The following AGAP1 variants were observed in gnomAD, a reference collection of about 807,000 sequenced individuals.
The protein encoded by AGAP1 is ArfGAP with GTPase domain, ankyrin repeat and PH domain 1, also known as arf-GAP with GTPase, ANK repeat and PH domain-containing protein 1.
Under a neutral mutation model 105.3 loss-of-function variants are expected in AGAP1, and 29 were observed. That is an observed-to-expected ratio of 0.28 (90% CI 0.21 to 0.38). AGAP1 has a LOEUF of 0.38. Ranked by LOEUF, AGAP1 falls within the 10% of genes least tolerant of loss-of-function variation. The pLI is 1.00. For missense variants in AGAP1, 998 were observed against 1,165.1 expected, an observed-to-expected ratio of 0.86 and a Z score of 2.09; for synonymous variants, 509 against 485.9, an observed-to-expected ratio of 1.05 and a Z score of -0.63.
intron 13 of AGAP1, among the ~76,000 whole-genome samples, chr2:236,023,317 A>G (rs919557000): frequency 1.3e-5 from 2 of 152,126 alleles, no homozygotes; most frequent in African/African-American, 4.8e-5. Flanking sequence ...TCCCTTGCAG[A>G]TAAAGCTGAG....
chr2:236,000,427 C>G lies in AGAP1; in HGVS notation c.1645+31804C>G, dbSNP rs917000670. Among the ~76,000 whole-genome samples, 14 of 152,166 alleles carry G rather than the reference C, an allele frequency of 9.2e-5. No homozygotes were observed. Among genetic ancestry groups the G allele is most frequent in the Non-Finnish European group, 1.5e-4 (10 of 68,038 alleles). ...TCTGTACAAAAATCACTACGCGTGA[C>G]AGCTCAAATAATAAACAGTTGTTCA... On this transcript the variant is annotated intron_variant, in intron 13 of 17. Coordinates refer to ENST00000304032, the MANE Select transcript of AGAP1 (RefSeq NM_001037131.3). This position sits in a 1 kb window ranked among gnomAD's most constrained non-coding sequence, Gnocchi z 4.3.
chr2:235,900,048 C>T lies in AGAP1; in HGVS notation c.1156-8690C>T, dbSNP rs60802296. On this transcript the variant is annotated intron_variant, in intron 10 of 17. Coordinates refer to ENST00000304032, the MANE Select transcript of AGAP1 (RefSeq NM_001037131.3). The surrounding 1 kb of genome is among the most constrained non-coding windows in gnomAD (Gnocchi z 5.5). Reference sequence around the variant, plus strand: ...CCCACGCATGTTGGACACTGGCCTCCGCAGCACATGAAGCAGAGAAGTCTG... The same window carrying T: ...CCCACGCATGTTGGACACTGGCCTCTGCAGCACATGAAGCAGAGAAGTCTG... Among the ~76,000 whole-genome samples the T allele has an allele frequency of 0.017, 2,521 of 152,290 alleles. 55 individuals carry two copies. The highest frequency in any genetic ancestry group is 0.058 in the African/African-American group (2,405 of 41,550).
At chr2:235,697,113 A>C (rs1029950903) in intron 1 of AGAP1, among the ~76,000 whole-genome samples, 3 of 152,224 alleles carry the variant, frequency 2.0e-5, no homozygotes, top group Non-Finnish European at 4.4e-5. Context: ...GGACAGCCCC[A>C]GGCACCAGCC....
Position 236,098,170 on chromosome 2 carries a change from C to G in AGAP1, c.2115-22022C>G, listed in dbSNP as rs560642740. Among the ~76,000 whole-genome samples the G allele has an allele frequency of 2.6e-5, 4 of 152,246 alleles. No homozygotes were observed. The South Asian group carries it at 8.3e-4, about 32-fold the overall frequency. ...TGGACATACAAATGTCTATTTCAGT[C>G]CCTGCTTTCGATTCTTTTGGGTATA... On this transcript the variant is annotated intron_variant, in intron 16 of 17. Coordinates refer to ENST00000304032, the MANE Select transcript of AGAP1 (RefSeq NM_001037131.3).
rs1170122844 is a variant in AGAP1, at chr2:235,787,049, A to G, written c.674-10710A>G. 1.3e-5 allele frequency among the ~76,000 whole-genome samples: 2 copies of G among 152,204 alleles called. No homozygotes were observed. Among genetic ancestry groups the G allele is most frequent in the East Asian group, 3.9e-4 (2 of 5,184 alleles). On this transcript the variant is annotated intron_variant, in intron 6 of 17. Transcript: ENST00000304032. This position sits in a 1 kb window ranked among gnomAD's most constrained non-coding sequence, Gnocchi z 4.4. ...TGACACCAGCTCCTGCCACTCTGAC[A>G]CATACTTAGGCAGTGCTCAGAGTCG... is the stretch of plus-strand genomic sequence containing the variant.
chr2:235,679,583 G>A (rs1005016649), intron 1 of AGAP1, among the ~76,000 whole-genome samples: 1 of 152,012 alleles, frequency 6.6e-6, no homozygotes, highest in African/African-American at 2.4e-5. Flanking sequence ...CCTCTTATTC[G>A]GAGGAGTAGC....
chr2:235,842,113 C>T lies in AGAP1; in HGVS notation c.1050+34782C>T, dbSNP rs1441750257. Among the ~76,000 whole-genome samples the T allele has an allele frequency of 1.3e-5, 2 of 152,194 alleles. No individual in the cohort carries two copies. Among genetic ancestry groups the T allele is most frequent in the Non-Finnish European group, 2.9e-5 (2 of 68,042 alleles). The stretch of plus-strand genomic sequence containing the variant: ...GCCCAGGCTCACTCCATGGCTGCCC[C>T]TCTCCCCAGCCTGCTGGCGTTGGGC... On this transcript the variant is annotated intron_variant, in intron 9 of 17. Transcript: ENST00000304032. This position sits in a 1 kb window ranked among gnomAD's most constrained non-coding sequence, Gnocchi z 5.3.
chr2:235,709,638 C>T (rs943509583), intron 2 of AGAP1, among the ~76,000 whole-genome samples: 14 of 152,132 alleles, frequency 9.2e-5, no homozygotes, highest in African/African-American at 3.1e-4. Flanking sequence ...CAGGATGTCA[C>T]GGAAGGCTTC....
intron 13 of AGAP1, among the ~76,000 whole-genome samples, chr2:236,034,795 A>G (rs535038233): frequency 6.6e-6 from 1 of 152,328 alleles, no homozygotes; most frequent in South Asian, 2.1e-4. Flanking sequence ...CAGCCCCCAG[A>G]ATATGCCCAG....
chr2:235,653,152 C>T (rs917196685), intron 1 of AGAP1, among the ~76,000 whole-genome samples: 2 of 152,222 alleles, frequency 1.3e-5, no homozygotes, highest in South Asian at 4.1e-4. Flanking sequence ...CAGCAGCTAA[C>T]CCTCTTACCT....
intron 16 of AGAP1, among the ~76,000 whole-genome samples, chr2:236,063,707 G>A (rs2058268702): frequency 6.6e-6 from 1 of 152,210 alleles, no homozygotes. Context: ...GAGGCAAACT[G>A]TCCGAGGCCA....
rs528463508 is a variant in AGAP1 at position 235,725,631 on chromosome 2, A to G, written c.310+7987A>G. On this transcript the variant is annotated intron_variant, in intron 3 of 17. Transcript: ENST00000304032. This position sits in a 1 kb window ranked among gnomAD's most constrained non-coding sequence, Gnocchi z 5.7. Reference sequence around the variant, plus strand: ...ACCAAGTGATTATAAACACATGATAATTTTTTAATGAGAATTATCTGTAAA... The same window carrying G: ...ACCAAGTGATTATAAACACATGATAGTTTTTTAATGAGAATTATCTGTAAA... Among the ~76,000 whole-genome samples, 9 of 152,154 alleles carry G rather than the reference A, an allele frequency of 5.9e-5. No individual in the cohort carries two copies. Among genetic ancestry groups the G allele is most frequent in the Non-Finnish European group, 1.3e-4 (9 of 68,028 alleles).
chr2:235,830,974 C>T lies in AGAP1; in HGVS notation c.1050+23643C>T, dbSNP rs1466382541. ...GGGTGCCGCCTCCTCACCTGTGTGT[C>T]GCAGGTGTAGGCGATACCTGGGAAG... On this transcript the variant is annotated intron_variant, in intron 9 of 17. Transcript: ENST00000304032. The surrounding 1 kb of genome is among the most constrained non-coding windows in gnomAD (Gnocchi z 5.5). Among the ~76,000 whole-genome samples the T allele has an allele frequency of 1.3e-5, 2 of 152,132 alleles. No individual in the cohort carries two copies. The highest frequency in any genetic ancestry group is 2.4e-5 in the African/African-American group (1 of 41,478).
intron 6 of AGAP1, among the ~76,000 whole-genome samples, chr2:235,767,667 A>G (rs1050307239): frequency 1.3e-5 from 2 of 151,208 alleles, no homozygotes; most frequent in African/African-American, 4.9e-5. Flanking sequence ...TTTCCAGAGG[A>G]TTAGCAGCTG....
At position 235,989,870 on chromosome 2, in the gene AGAP1, A is replaced by C. The variant is rs2055487318; in HGVS notation, c.1645+21247A>C. Reference sequence around the variant, plus strand: ...AAATCCATGCGTCTTCCTTTTGCCCACAGGAGAAGAGATGAAAGAGAGGGG... The same window carrying C: ...AAATCCATGCGTCTTCCTTTTGCCCCCAGGAGAAGAGATGAAAGAGAGGGG... On this transcript the variant is annotated intron_variant, in intron 13 of 17. Coordinates refer to ENST00000304032, the MANE Select transcript of AGAP1 (RefSeq NM_001037131.3). This position sits in a 1 kb window ranked among gnomAD's most constrained non-coding sequence, Gnocchi z 4.4. 6.6e-6 allele frequency among the ~76,000 whole-genome samples: 1 copy of C among 152,164 alleles called. No homozygotes were observed. Among genetic ancestry groups the C allele is most frequent in the Non-Finnish European group, 1.5e-5 (1 of 68,030 alleles).
chr2:235,558,238 CAG>C (rs914439700), intron 1 of AGAP1, among the ~76,000 whole-genome samples: 1 of 152,094 alleles, frequency 6.6e-6, no homozygotes, highest in African/African-American at 2.4e-5. Flanking sequence ...GGAGATGGAC[CAG>C]GCTCTCCTCC....
At chr2:235,666,971 G>C (rs1402316504) in intron 1 of AGAP1, among the ~76,000 whole-genome samples, 1 of 152,128 alleles carries the variant, frequency 6.6e-6, no homozygotes, top group Non-Finnish European at 1.5e-5. Flanking sequence ...ACCCTTGACA[G>C]TAGCAGAGAT....
rs371846381 is a variant in AGAP1 at position 236,116,357 on chromosome 2, C to CTTTTTTTTTTT, written c.2115-3825_2115-3824insTTTTTTTTTTT. Reference sequence around the variant, plus strand: ...CAGGTGGTATTTGGTTAATTAAGTTCTTTTTTTTTTGAGAGAGAGTTTTGC... The same window carrying CTTTTTTTTTTT: ...CAGGTGGTATTTGGTTAATTAAGTTCTTTTTTTTTTTTTTTTTTTTTGAGAGAGAGTTTTGC... On this transcript the variant is annotated intron_variant, in intron 16 of 17. Coordinates refer to ENST00000304032, the MANE Select transcript of AGAP1 (RefSeq NM_001037131.3). Among the ~76,000 whole-genome samples, 10 of 129,144 alleles carry CTTTTTTTTTTT rather than the reference C, an allele frequency of 7.7e-5. 1 individual carries two copies. Among genetic ancestry groups the CTTTTTTTTTTT allele is most frequent in the African/African-American group, 8.5e-5 (3 of 35,320 alleles). The allele number at this position is 129,144 out of a possible 152,430, so 84.7% of individuals were successfully genotyped here. A position where few individuals can be genotyped will look rare whatever the true frequency, so the allele number is the denominator to read the frequency against.
chr2:235,685,005 C>T (rs115168416), intron 1 of AGAP1, among the ~76,000 whole-genome samples: 4,166 of 152,144 alleles, frequency 0.027, 194 homozygotes, highest in African/African-American at 0.095. Flanking sequence ...GGTTGGTTCC[C>T]TGTGGCAGGA....
Sources: gnomAD v4.1 joint callset for allele counts (sites outside exome capture counted in the v4.1 genomes callset) on GRCh38, gnomAD v4.1.1 for gene constraint, Gnocchi (gnomAD v3.1) non-coding constraint, MANE v1.5 for transcripts, NCBI Gene and HGNC (gene_info 2026-07-23, HGNC 2026-07-21) for gene names.